Variants in OPCML observed in about 807,000 individuals in gnomAD.
OPCML encodes opioid-binding protein/cell adhesion molecule.
In OPCML, 13 loss-of-function variants were observed where a neutral mutation model predicts 37.8. That is an observed-to-expected ratio of 0.34 (90% CI 0.22 to 0.55). OPCML has a LOEUF of 0.55. OPCML is among the 20% of genes least tolerant of loss of function. OPCML has a pLI of 0.91. For missense variants in OPCML, 341 were observed against 435.6 expected (o/e 0.78, Z 1.93); for synonymous variants, 176 against 168.8 (o/e 1.04, Z -0.33).
At chr11:133,184,265 T>TG (rs1283141438) in intron 1 of OPCML, among the ~76,000 whole-genome samples, 11 of 152,126 alleles carry the variant, frequency 7.2e-5, no homozygotes, top group African/African-American at 2.4e-4. Flanking sequence ...TTATGCCAAG[T>TG]GGGAAAAAAG....
intron 2 of OPCML, among the ~76,000 whole-genome samples, chr11:132,876,562 C>T (rs1270607078): frequency 6.6e-6 from 1 of 152,156 alleles, no homozygotes. Flanking sequence ...TACAGTACTT[C>T]TTAATGGCTT....
intron 1 of OPCML, among the ~76,000 whole-genome samples, chr11:133,292,608 C>T (rs1036402959): frequency 3.9e-5 from 6 of 152,286 alleles, no homozygotes; most frequent in African/African-American, 1.4e-4. Context: ...CAGGTCCGTA[C>T]GCTGGGGTTT....
intron 2 of OPCML, among the ~76,000 whole-genome samples, chr11:132,832,059 T>TTG (rs1185044751): frequency 6.6e-6 from 1 of 151,942 alleles, no homozygotes; most frequent in Non-Finnish European, 1.5e-5. Context: ...ACAACTCTGG[T>TTG]TCAAAGAATG....
In OPCML at chr11:132,424,876, T is replaced by A. The variant is rs566658714; in HGVS notation, c.917-4583A>T. Among the ~76,000 whole-genome samples the A allele has an allele frequency of 3.3e-5, 5 of 152,292 alleles. No homozygotes were observed. The South Asian group carries it at 1.0e-3, about 32-fold the overall frequency. On this transcript the variant is annotated intron_variant, in intron 7 of 7. Coordinates refer to ENST00000524381, the MANE Select transcript of OPCML (RefSeq NM_001012393.5). The stretch of plus-strand genomic sequence containing the variant: ...ACTAATACTAGCTTGTTTAGATAGT[T>A]CCAAAATATGTTGAACCTGGGGTGA...
intron 1 of OPCML, among the ~76,000 whole-genome samples, chr11:133,015,915 G>C (rs1381516918): frequency 6.6e-6 from 1 of 152,000 alleles, no homozygotes; most frequent in African/African-American, 2.4e-5. Flanking sequence ...CTCTCTCTGA[G>C]ACAGCTTTGC....
intron 3 of OPCML, among the ~76,000 whole-genome samples, chr11:132,623,381 A>G (rs1384225482): frequency 6.6e-6 from 1 of 152,172 alleles, no homozygotes; most frequent in African/African-American, 2.4e-5. Context: ...ACAACAAAAA[A>G]ACAGAGCTGA....
chr11:132,442,720 G>C (rs2096040386), intron 4 of OPCML, among the ~76,000 whole-genome samples: 1 of 152,174 alleles, frequency 6.6e-6, no homozygotes. Flanking sequence ...TGGTAGTGAA[G>C]AAGTCTTATG....
At chr11:132,910,277 AT>A (rs1319249714) in intron 2 of OPCML, among the ~76,000 whole-genome samples, 1 of 152,204 alleles carries the variant, frequency 6.6e-6, no homozygotes, top group African/African-American at 2.4e-5. Flanking sequence ...CTCAGCACAT[AT>A]TCGCCGGCCA....
intron 2 of OPCML, among the ~76,000 whole-genome samples, chr11:132,821,934 T>C (rs535383550): frequency 6.6e-6 from 1 of 152,322 alleles, no homozygotes; most frequent in East Asian, 1.9e-4. Flanking sequence ...AAATTAATGG[T>C]AATTACAAGG....
rs145224302 is a variant in OPCML, at chr11:133,236,537, T to C, written c.62-293527A>G. Among the ~76,000 whole-genome samples the C allele has an allele frequency of 2.6e-4, 39 of 152,320 alleles. No homozygotes were observed. In the East Asian group the frequency reaches 6.7e-3, roughly 26 times the overall value. On this transcript the variant is annotated intron_variant, in intron 1 of 7. Transcript: ENST00000524381. The stretch of plus-strand genomic sequence containing the variant: ...ACTTGTCTCCCCGTCTAATTAGGAA[T>C]AAATAGTAACTTCTCTTAGAAGCAA...
intron 1 of OPCML, among the ~76,000 whole-genome samples, chr11:133,142,189 T>C (rs942931784): frequency 2.6e-5 from 4 of 152,224 alleles, no homozygotes; most frequent in Admixed American, 2.6e-4. Flanking sequence ...CTTTTTAAAA[T>C]GTATTGTTCT....
intron 1 of OPCML, among the ~76,000 whole-genome samples, chr11:133,093,659 A>G (rs1948949114): frequency 6.6e-6 from 1 of 152,150 alleles, no homozygotes; most frequent in East Asian, 1.9e-4. Context: ...CATTAACTGT[A>G]GCTTAGAACA....
chr11:132,641,306 A>G (rs1370336404), intron 3 of OPCML, among the ~76,000 whole-genome samples: 1 of 152,146 alleles, frequency 6.6e-6, no homozygotes, highest in Non-Finnish European at 1.5e-5. Context: ...AGGCACTGAG[A>G]GGCCCTTCCA....
intron 4 of OPCML, among the ~76,000 whole-genome samples, chr11:132,479,449 G>A (rs944926351): frequency 6.6e-6 from 1 of 152,354 alleles, no homozygotes; most frequent in South Asian, 2.1e-4. Context: ...GGCTGGGGAA[G>A]GGGCGCCCAC....
At chr11:133,409,036 A>C (rs1291680404) in intron 1 of OPCML, among the ~76,000 whole-genome samples, 1 of 152,174 alleles carries the variant, frequency 6.6e-6, no homozygotes, top group Non-Finnish European at 1.5e-5. Flanking sequence ...GGAAGACAGA[A>C]GCAGTCCCTC....
chr11:132,573,771 C>T (rs933832933), intron 3 of OPCML, among the ~76,000 whole-genome samples: 1 of 151,842 alleles, frequency 6.6e-6, no homozygotes, highest in Non-Finnish European at 1.5e-5. Flanking sequence ...AGTGTTTCCT[C>T]GTTTTAATTT....
chr11:132,818,894 T>C (rs1048461577), intron 2 of OPCML, among the ~76,000 whole-genome samples: 4 of 149,678 alleles, frequency 2.7e-5, no homozygotes, highest in Middle Eastern at 3.4e-3. Context: ...AACCTGCATG[T>C]TGTGCACATG....
intron 1 of OPCML, among the ~76,000 whole-genome samples, chr11:133,517,195 T>C (rs1214352920): frequency 1.3e-5 from 2 of 152,222 alleles, no homozygotes; most frequent in African/African-American, 4.8e-5. Context: ...GGAAGGAATA[T>C]CAGAATTCCT....
At chr11:132,666,636 A>G (rs1190670306) in intron 2 of OPCML, among the ~76,000 whole-genome samples, 1 of 152,234 alleles carries the variant, frequency 6.6e-6, no homozygotes, top group Non-Finnish European at 1.5e-5. Flanking sequence ...TTAACAGACA[A>G]ATATCTAAAG....
Sources: allele counts gnomAD v4.1 joint callset (sites outside exome capture counted in the v4.1 genomes callset), GRCh38; gene constraint gnomAD v4.1.1; transcripts MANE v1.5; gene names NCBI Gene and HGNC (gene_info 2026-07-23, HGNC 2026-07-21).